Variants in NRG2 observed in about 807,000 individuals in gnomAD.
NRG2 encodes pro-neuregulin-2, membrane-bound isoform.
In NRG2, 27 loss-of-function variants were observed where a neutral mutation model predicts 73.9. The observed-to-expected ratio is 0.37, with a 90% CI of 0.27 to 0.50. The LOEUF (loss-of-function observed/expected upper bound fraction) is 0.50, where lower values mean the gene tolerates loss of function less well. Ranked by LOEUF, NRG2 falls within the 20% of genes least tolerant of loss-of-function variation. The pLI is 0.96. For missense variants in NRG2, 1,126 were observed against 1,210.1 expected, an observed-to-expected ratio of 0.93 and a Z score of 1.03; for synonymous variants, 532 against 541.0, an observed-to-expected ratio of 0.98 and a Z score of 0.23.
chr5:139,965,754 A>G (rs1755460053), intron 1 of NRG2, among the ~76,000 whole-genome samples: 1 of 152,172 alleles, frequency 6.6e-6, no homozygotes, highest in Non-Finnish European at 1.5e-5. Flanking sequence ...TAAAAGGAAG[A>G]GCTGTCAGGA....
intron 2 of NRG2, 94 bp from the exon 3 acceptor site, chr5:139,881,068 C>T (rs1353194700): frequency 2.1e-6 from 2 of 934,308 alleles, no homozygotes; most frequent in African/African-American, 3.3e-5. Flanking sequence ...CTCCACAGAG[C>T]CACAGTGGCC....
chr5:139,979,271 G>T (rs1756612937), intron 1 of NRG2, among the ~76,000 whole-genome samples: 1 of 152,136 alleles, frequency 6.6e-6, no homozygotes, highest in African/African-American at 2.4e-5. Flanking sequence ...TCTGAAGTCA[G>T]ATGGACGCCT....
chr5:140,028,503 C>T (rs1760878896), intron 1 of NRG2, among the ~76,000 whole-genome samples: 1 of 152,042 alleles, frequency 6.6e-6, no homozygotes, highest in Non-Finnish European at 1.5e-5. Flanking sequence ...GAGCAGTACT[C>T]GAGTTGCTAT....
intron 1 of NRG2, among the ~76,000 whole-genome samples, chr5:140,020,316 A>G (rs1298529337): frequency 1.3e-5 from 2 of 152,230 alleles, no homozygotes; most frequent in Non-Finnish European, 2.9e-5. Flanking sequence ...TCCTAAAGAA[A>G]AGCTTTGTGA....
rs193116015 is a variant in NRG2 at position 139,856,555 on chromosome 5, C to A, written c.1190-777G>T. 2.3e-3 allele frequency among the ~76,000 whole-genome samples: 344 copies of A among 152,308 alleles called. 2 individuals are homozygous for A. The highest frequency in any genetic ancestry group is 8.0e-3 in the African/African-American group (334 of 41,564). ...TAGTCAAGGCTACAGCCCGGAGACC[C>A]CACCCGTGCCCACCACACCTGCTGG... On this transcript the variant is annotated intron_variant, in intron 5 of 9. Coordinates refer to ENST00000361474, the MANE Select transcript of NRG2 (RefSeq NM_004883.3). The surrounding 1 kb of genome is among the most constrained non-coding windows in gnomAD (Gnocchi z 4.2).
chr5:139,872,112 C>T (rs967298561), intron 3 of NRG2, among the ~76,000 whole-genome samples: 1 of 152,232 alleles, frequency 6.6e-6, no homozygotes, highest in Non-Finnish European at 1.5e-5. Context: ...GTGGGGGGAG[C>T]AGGGTGAGAA....
At chr5:139,918,168 G>A (rs904621965) in intron 1 of NRG2, among the ~76,000 whole-genome samples, 4 of 152,258 alleles carry the variant, frequency 2.6e-5, no homozygotes, top group Admixed American at 2.6e-4. Context: ...ATTCCTCCTA[G>A]TAATTCTTAT....
At chr5:140,001,450 G>T (rs1279335681) in intron 1 of NRG2, among the ~76,000 whole-genome samples, 2 of 152,092 alleles carry the variant, frequency 1.3e-5, no homozygotes. Context: ...ATATAGCATT[G>T]TACCTTATAT....
intron 2 of NRG2, among the ~76,000 whole-genome samples, chr5:139,883,757 G>T (rs905456973): frequency 2.0e-5 from 3 of 152,198 alleles, no homozygotes; most frequent in African/African-American, 7.2e-5. Context: ...GGAGTCAGAA[G>T]TTCTCTATGA....
At chr5:139,943,864 C>T (rs1037829854) in intron 1 of NRG2, among the ~76,000 whole-genome samples, 1 of 152,108 alleles carries the variant, frequency 6.6e-6, no homozygotes, top group African/African-American at 2.4e-5. Context: ...TTTATGGCAA[C>T]TTCTCACTGG....
At chr5:139,992,142 T>C (rs1374637838) in intron 1 of NRG2, among the ~76,000 whole-genome samples, 2 of 152,230 alleles carry the variant, frequency 1.3e-5, no homozygotes, top group Non-Finnish European at 2.9e-5. Context: ...CCTTAATTTA[T>C]TAAGTACTCC....
At chr5:139,908,894 GA>G (rs1765418333) in intron 1 of NRG2, among the ~76,000 whole-genome samples, 1 of 152,242 alleles carries the variant, frequency 6.6e-6, no homozygotes, top group Non-Finnish European at 1.5e-5. Context: ...TTTCTCAGGG[GA>G]GGGAGGACAG....
At chr5:139,993,432 C>G (rs1757790003) in intron 1 of NRG2, among the ~76,000 whole-genome samples, 2 of 152,220 alleles carry the variant, frequency 1.3e-5, no homozygotes, top group Non-Finnish European at 2.9e-5. Context: ...TAGCTATTCT[C>G]TCTTCCTGGA....
At chr5:139,861,131 C>T (rs1762117943) in intron 5 of NRG2, among the ~76,000 whole-genome samples, 1 of 152,222 alleles carries the variant, frequency 6.6e-6, no homozygotes, top group South Asian at 2.1e-4. Flanking sequence ...CCTTGTCTGT[C>T]CAAAGTGCTT....
chr5:139,936,818 T>C (rs946856583), intron 1 of NRG2, among the ~76,000 whole-genome samples: 3 of 152,250 alleles, frequency 2.0e-5, no homozygotes, highest in African/African-American at 7.2e-5. Context: ...CTATTATTTT[T>C]TGAGATGGCA....
Position 139,904,295 on chromosome 5 carries a change from GA to G in NRG2, c.701-16785del. ...GGGAAACCGGGTTTCTGGGCGCGCGGAGGTGCCCTACCTTTCTCCCCGGGAT... is the reference window on the plus strand; with the variant it reads ...GGGAAACCGGGTTTCTGGGCGCGCGGGGTGCCCTACCTTTCTCCCCGGGAT... On this transcript the variant is annotated intron_variant, in intron 1 of 9. Transcript: ENST00000361474. This position sits in a 1 kb window ranked among gnomAD's most constrained non-coding sequence, Gnocchi z 6.0. The G allele has an allele frequency of 6.3e-7, 1 of 1,587,184 alleles. No homozygotes were observed. Among genetic ancestry groups the G allele is most frequent in the Non-Finnish European group, 8.5e-7 (1 of 1,175,218 alleles).
chr5:139,925,788 G>T (rs1477590905), intron 1 of NRG2, among the ~76,000 whole-genome samples: 6 of 152,174 alleles, frequency 3.9e-5, no homozygotes, highest in Non-Finnish European at 1.5e-5. Flanking sequence ...CCCCTGCAGG[G>T]ATGGGGAGCT....
intron 1 of NRG2, among the ~76,000 whole-genome samples, chr5:139,951,028 G>T (rs1370544875): frequency 6.6e-6 from 1 of 152,200 alleles, no homozygotes; most frequent in Non-Finnish European, 1.5e-5. Flanking sequence ...AGAGGAAACT[G>T]GCTCCAAGTG....
chr5:140,031,376 G>A (rs1451548880), intron 1 of NRG2, among the ~76,000 whole-genome samples: 1 of 152,170 alleles, frequency 6.6e-6, no homozygotes, highest in Admixed American at 6.5e-5. Context: ...GCTGTCTTTG[G>A]AAGTCCCAGA....
Sources: allele counts gnomAD v4.1 joint callset (sites outside exome capture counted in the v4.1 genomes callset), GRCh38; gene constraint gnomAD v4.1.1; non-coding constraint Gnocchi (gnomAD v3.1); transcripts MANE v1.5; gene names NCBI Gene and HGNC (gene_info 2026-07-23, HGNC 2026-07-21).